Variants in KCNH1 observed in about 807,000 individuals in gnomAD.
KCNH1 encodes voltage-gated delayed rectifier potassium channel KCNH1.
A neutral mutation model predicts 69.2 loss-of-function variants in KCNH1; 27 were observed. That is an observed-to-expected ratio of 0.39 (90% CI 0.29 to 0.54). The LOEUF is 0.54. KCNH1 is among the 20% of genes least tolerant of loss of function. The pLI is 0.68. For synonymous variants in KCNH1, 456 were observed against 487.7 expected, an observed-to-expected ratio of 0.93 and a Z score of 0.86; for missense variants, 798 against 1,261.6, an observed-to-expected ratio of 0.63 and a Z score of 5.57.
chr1:210,877,475 C>T lies in KCNH1; in HGVS notation c.1462+42165G>A, dbSNP rs544043875. ...CCATTTCCTTCACATTGAAGTCACA[C>T]GATGCTCCATTTTCTACATTTGCAT... On this transcript the variant is annotated intron_variant, in intron 7 of 10. Coordinates refer to ENST00000271751, the MANE Select transcript of KCNH1 (RefSeq NM_172362.3). 5.3e-5 allele frequency among the ~76,000 whole-genome samples: 8 copies of T among 152,268 alleles called. No homozygotes were observed. In the South Asian group the frequency reaches 8.3e-4, roughly 16 times the overall value.
chr1:210,833,460 C>G (rs1394025145), intron 7 of KCNH1, among the ~76,000 whole-genome samples: 1 of 152,078 alleles, frequency 6.6e-6, no homozygotes, highest in East Asian at 1.9e-4. Context: ...ATAAATGGTG[C>G]TGGGAAAACT....
At chr1:210,968,336 A>T (rs1158176232) in intron 6 of KCNH1, among the ~76,000 whole-genome samples, 3 of 137,372 alleles carry the variant, frequency 2.2e-5, no homozygotes, top group Non-Finnish European at 4.6e-5. Context: ...ATACGTGTGC[A>T]TGTGTCTTTA....
chr1:211,122,745 A>G (rs1302979012), intron 1 of KCNH1, among the ~76,000 whole-genome samples: 6 of 152,190 alleles, frequency 3.9e-5, no homozygotes. Flanking sequence ...CAAACACTGC[A>G]TGTTCTCACT....
At chr1:210,797,277 C>T (rs1385701255) in intron 9 of KCNH1, among the ~76,000 whole-genome samples, 1 of 152,166 alleles carries the variant, frequency 6.6e-6, no homozygotes, top group African/African-American at 2.4e-5. Flanking sequence ...GACTGGGAGC[C>T]CCTTGAGGAT....
chr1:211,028,460 A>C (rs1689723141), intron 5 of KCNH1, among the ~76,000 whole-genome samples: 1 of 151,920 alleles, frequency 6.6e-6, no homozygotes, highest in African/African-American at 2.4e-5. Flanking sequence ...TAATGAACAG[A>C]AATCGATGAA....
At chr1:211,109,027 G>A (rs754561369) in intron 1 of KCNH1, among the ~76,000 whole-genome samples, 11 of 152,210 alleles carry the variant, frequency 7.2e-5, no homozygotes, top group African/African-American at 2.4e-4. Context: ...AAAGGGCTGC[G>A]TCTCAGAGGG....
chr1:211,008,189 G>A (rs150492703), intron 6 of KCNH1, among the ~76,000 whole-genome samples: 2 of 152,280 alleles, frequency 1.3e-5, no homozygotes, highest in Non-Finnish European at 2.9e-5. Context: ...ACAAAATGTG[G>A]TATATACTCA....
In KCNH1 at chr1:211,019,858, A is replaced by G. The variant is rs117846310; in HGVS notation, c.559-602T>C. On this transcript the variant is annotated intron_variant, in intron 5 of 10. Transcript: ENST00000271751. ...GAAATCAAAACATGTGGAACTTGGG[A>G]AACTTTATGAATACTTGGAAATTAA... 1.1e-3 allele frequency among the ~76,000 whole-genome samples: 171 copies of G among 152,330 alleles called. 1 individual carries two copies. The East Asian group carries it at 0.015, about 13-fold the overall frequency.
intron 7 of KCNH1, among the ~76,000 whole-genome samples, chr1:210,877,637 A>G (rs984902486): frequency 1.3e-5 from 2 of 152,216 alleles, no homozygotes; most frequent in African/African-American, 4.8e-5. Flanking sequence ...TATTTTGCAA[A>G]TAACTGAACA....
chr1:210,686,205 G>T (rs1253300121), intron 10 of KCNH1, among the ~76,000 whole-genome samples: 1 of 152,192 alleles, frequency 6.6e-6, no homozygotes, highest in Non-Finnish European at 1.5e-5. Context: ...CATGGGGGAT[G>T]GGAAAGTGAT....
intron 9 of KCNH1, among the ~76,000 whole-genome samples, chr1:210,785,525 C>T (rs1684082485): frequency 6.6e-6 from 1 of 152,032 alleles, no homozygotes; most frequent in African/African-American, 2.4e-5. Flanking sequence ...GCTGGGATTA[C>T]AGGCACCTAC....
intron 10 of KCNH1, 48 bp from the exon 11 acceptor site, chr1:210,684,186 G>A: frequency 6.8e-7 from 1 of 1,475,962 alleles, no homozygotes; most frequent in Non-Finnish European, 8.9e-7. Flanking sequence ...GCCACATGCT[G>A]GCTGCAGCAG....
At chr1:211,112,501 TAAAA>T (rs74258707) in intron 1 of KCNH1, among the ~76,000 whole-genome samples, 120 of 126,464 alleles carry the variant, frequency 9.5e-4, no homozygotes, top group African/African-American at 2.9e-3. Context: ...ATTAAATAAA[TAAAA>T]AAAAAAAAAA....
At chr1:211,096,774 A>ATTCAAACAGAATTTAAT (rs1691163630) in intron 3 of KCNH1, among the ~76,000 whole-genome samples, 1 of 152,212 alleles carries the variant, frequency 6.6e-6, no homozygotes, top group Non-Finnish European at 1.5e-5. Flanking sequence ...TTAAAATTTA[A>ATTCAAACAGAATTTAAT]TTCAAACAGA....
At chr1:210,922,083 T>A (rs1051029468) in intron 6 of KCNH1, among the ~76,000 whole-genome samples, 6 of 147,700 alleles carry the variant, frequency 4.1e-5, no homozygotes, top group African/African-American at 1.5e-4. Context: ...TATTGCCCTT[T>A]AAAAAAAAAA....
At chr1:210,977,504 C>T (rs56378855) in intron 6 of KCNH1, among the ~76,000 whole-genome samples, 3 of 151,822 alleles carry the variant, frequency 2.0e-5, no homozygotes, top group African/African-American at 7.3e-5. Context: ...ACCCTCAGCT[C>T]CCGGTAACCA....
At chr1:211,045,870 A>G (rs1011014700) in intron 5 of KCNH1, among the ~76,000 whole-genome samples, 1 of 152,134 alleles carries the variant, frequency 6.6e-6, no homozygotes, top group Non-Finnish European at 1.5e-5. Flanking sequence ...GGAAATCACT[A>G]TTCTAGTCTC....
intron 4 of KCNH1, among the ~76,000 whole-genome samples, chr1:211,084,961 T>A (rs1690926874): frequency 6.6e-6 from 1 of 151,946 alleles, no homozygotes; most frequent in African/African-American, 2.4e-5. Context: ...AATTAAGAAA[T>A]CATGACATAG....
intron 7 of KCNH1, among the ~76,000 whole-genome samples, chr1:210,854,302 T>C (rs1370404910): frequency 2.0e-5 from 3 of 152,184 alleles, no homozygotes; most frequent in East Asian, 3.8e-4. Context: ...ATCCCCTCAA[T>C]GTATAAATGA....
Sources: gnomAD v4.1 joint callset for allele counts (sites outside exome capture counted in the v4.1 genomes callset) on GRCh38, gnomAD v4.1.1 for gene constraint, MANE v1.5 for transcripts, NCBI Gene and HGNC (gene_info 2026-07-23, HGNC 2026-07-21) for gene names.